Variants in PIWIL1 observed in about 807,000 individuals in gnomAD.
PIWIL1 encodes piwi-like protein 1.
A neutral mutation model predicts 114.4 loss-of-function variants in PIWIL1; 73 were observed. The ratio of observed to expected loss-of-function variants is 0.64; its 90% CI spans 0.53 to 0.78. PIWIL1 has a LOEUF of 0.78. Ranked by LOEUF, PIWIL1 falls within the 30% of genes least tolerant of loss-of-function variation. The pLI, the probability that PIWIL1 is intolerant of heterozygous loss-of-function variation, is 0.00. For synonymous variants in PIWIL1, 375 were observed against 369.0 expected (o/e 1.02, Z -0.19); for missense variants, 723 against 1,063.1 (o/e 0.68, Z 4.45).
At chr12:130,404,952 A>T in the PIWIL1 span, among the ~76,000 whole-genome samples, 4 of 152,160 alleles carry the variant, frequency 2.6e-5, no homozygotes, top group African/African-American at 9.7e-5. Context: ...TTAAAAAATG[A>T]TTTTTTTAAA....
At chr12:130,421,242 T>A in the PIWIL1 span, among the ~76,000 whole-genome samples, 7,507 of 152,306 alleles carry the variant, frequency 0.049, 457 homozygotes, top group Admixed American at 0.19. Flanking sequence ...GAAAGGAATC[T>A]GGGCTCCACT....
chr12:130,377,539 C>T (rs2073877306), downstream of PIWIL1, among the ~76,000 whole-genome samples: 2 of 152,328 alleles, frequency 1.3e-5, no homozygotes, highest in East Asian at 1.9e-4. Flanking sequence ...AAAAGCAACC[C>T]GGCTTTTGAG....
At chr12:130,424,131 A>C in the PIWIL1 span, 554 of 1,219,402 alleles carry the variant, frequency 4.5e-4, no homozygotes, top group South Asian at 6.6e-4. The surrounding 1 kb of genome is among the most constrained non-coding windows in gnomAD (Gnocchi z 9.8). Flanking sequence ...AAGGAAGTTT[A>C]GGTCACACAC....
downstream of PIWIL1, among the ~76,000 whole-genome samples, chr12:130,377,390 G>A (rs1230793231): frequency 6.6e-6 from 1 of 152,186 alleles, no homozygotes; most frequent in Non-Finnish European, 1.5e-5. Context: ...TCACCAGGGA[G>A]CTCTAGCAAC....
At chr12:130,339,446 C>T (rs886869496) in intron 1 of PIWIL1, 2 of 152,232 alleles carry the variant, frequency 1.3e-5, no homozygotes, top group Non-Finnish European at 1.5e-5. Flanking sequence ...GCGTGTGGCG[C>T]GGTGGTGGTT....
the PIWIL1 span, among the ~76,000 whole-genome samples, chr12:130,410,357 A>G: frequency 5.9e-5 from 9 of 152,194 alleles, no homozygotes; most frequent in Non-Finnish European, 1.3e-4. Context: ...TTTTAAGTGC[A>G]GAGTATTTAA....
the PIWIL1 span, chr12:130,424,801 G>A: frequency 1.6e-6 from 2 of 1,232,606 alleles, no homozygotes; most frequent in Non-Finnish European, 1.0e-6. This position sits in a 1 kb window ranked among gnomAD's most constrained non-coding sequence, Gnocchi z 9.8. Flanking sequence ...TGGGGCTGGT[G>A]GGGAAACTCG....
At chr12:130,382,671 T>C in the PIWIL1 span, among the ~76,000 whole-genome samples, 1 of 152,240 alleles carries the variant, frequency 6.6e-6, no homozygotes, top group East Asian at 1.9e-4. Context: ...ATCAGGTGTC[T>C]TCATAATTTC....
At chr12:130,352,785 G>T (rs2073248612) in intron 9 of PIWIL1, among the ~76,000 whole-genome samples, 1 of 152,140 alleles carries the variant, frequency 6.6e-6, no homozygotes, top group African/African-American at 2.4e-5. Flanking sequence ...TAAGGCCTTG[G>T]GTGAAATAGG....
At chr12:130,392,322 C>T in the PIWIL1 span, among the ~76,000 whole-genome samples, 6 of 138,612 alleles carry the variant, frequency 4.3e-5, no homozygotes, top group East Asian at 2.1e-4. Context: ...ATCATGTGTC[C>T]GTCAGTTACC....
At chr12:130,397,101 C>T in the PIWIL1 span, 3 of 268,474 alleles carry the variant, frequency 1.1e-5, no homozygotes, top group African/African-American at 2.2e-5. Context: ...TATGCGCCCC[C>T]GTTTGTTAAT....
the PIWIL1 span, among the ~76,000 whole-genome samples, chr12:130,392,025 T>A: frequency 6.6e-6 from 1 of 152,106 alleles, no homozygotes; most frequent in South Asian, 2.1e-4. Context: ...CGTGTGTGCG[T>A]CAGTTACCTG....
the PIWIL1 span, chr12:130,412,734 C>T: frequency 6.2e-7 from 1 of 1,613,898 alleles, no homozygotes. Flanking sequence ...TAAGGCCAAG[C>T]CGGGCACAGG....
At chr12:130,374,343 A>G (rs1352671883), downstream of PIWIL1, among the ~76,000 whole-genome samples, 1 of 152,214 alleles carries the variant, frequency 6.6e-6, no homozygotes, top group Non-Finnish European at 1.5e-5. Flanking sequence ...TTCTAAGTAA[A>G]AGCTTAAAGT....
chr12:130,359,378 A>G (rs2073450683), intron 14 of PIWIL1, among the ~76,000 whole-genome samples: 1 of 152,192 alleles, frequency 6.6e-6, no homozygotes, highest in South Asian at 2.1e-4. Flanking sequence ...TGCAGAAGTG[A>G]AAGCACAGCC....
the PIWIL1 span, chr12:130,424,183 G>A: frequency 1.2e-5 from 15 of 1,232,034 alleles, no homozygotes; most frequent in South Asian, 3.3e-4. This position sits in a 1 kb window ranked among gnomAD's most constrained non-coding sequence, Gnocchi z 9.8. Flanking sequence ...TTTGCGTGGG[G>A]GGCAGCTGCC....
At chr12:130,339,981 C>A (rs182428830) in intron 1 of PIWIL1, among the ~76,000 whole-genome samples, 1 of 152,288 alleles carries the variant, frequency 6.6e-6, no homozygotes, top group Admixed American at 6.5e-5. Flanking sequence ...AGGTGTCAAG[C>A]GACGGACTGG....
the PIWIL1 span, chr12:130,424,617 G>A: frequency 1.9e-4 from 231 of 1,231,942 alleles, no homozygotes; most frequent in African/African-American, 2.7e-3. The surrounding 1 kb of genome is among the most constrained non-coding windows in gnomAD (Gnocchi z 9.8). Context: ...GTGCTTCACC[G>A]GGAACCAGGA....
At chr12:130,397,876 G>C in the PIWIL1 span, 3 of 188,902 alleles carry the variant, frequency 1.6e-5, no homozygotes, top group Non-Finnish European at 3.2e-5. Flanking sequence ...TAGGTTGATA[G>C]TAAAGTTGGC....
Sources: gnomAD v4.1 joint callset for allele counts (sites outside exome capture counted in the v4.1 genomes callset) on GRCh38, gnomAD v4.1.1 for gene constraint, Gnocchi (gnomAD v3.1) non-coding constraint, MANE v1.5 for transcripts, NCBI Gene and HGNC (gene_info 2026-07-23, HGNC 2026-07-21) for gene names.